ALK: variants seen among roughly 807,000 people sequenced by gnomAD.
The protein encoded by ALK is ALK receptor tyrosine kinase, also known as ALK tyrosine kinase receptor.
Under a neutral mutation model 163.1 loss-of-function variants are expected in ALK, and 74 were observed. The ratio of observed to expected loss-of-function variants is 0.45; its 90% CI spans 0.38 to 0.55. The LOEUF (loss-of-function observed/expected upper bound fraction) is 0.55, where lower values mean the gene tolerates loss of function less well. Among genes scored for constraint, ALK ranks in the 20% least tolerant of loss-of-function variants. ALK has a pLI of 0.00. For synonymous variants in ALK, 960 were observed against 843.2 expected, an observed-to-expected ratio of 1.14 and a Z score of -2.40; for missense variants, 2,063 against 2,105.3, an observed-to-expected ratio of 0.98 and a Z score of 0.39.
chr2:29,649,451 A>G lies in ALK; in HGVS notation c.952+45399T>C, dbSNP rs76825764. ...GTTCTTTATGAAAAATTCAAAGCCAATTGGAATTTCTATGCACATGAATGA... is the reference window on the plus strand; with the variant it reads ...GTTCTTTATGAAAAATTCAAAGCCAGTTGGAATTTCTATGCACATGAATGA... On this transcript the variant is annotated intron_variant, in intron 3 of 28. Coordinates refer to ENST00000389048, the MANE Select transcript of ALK (RefSeq NM_004304.5). Among the ~76,000 whole-genome samples, 595 of 152,240 alleles carry G rather than the reference A, an allele frequency of 3.9e-3. 1 individual carries two copies. Among genetic ancestry groups the G allele is most frequent in the African/African-American group, 0.013 (533 of 41,540 alleles).
chr2:29,430,523 C>T (rs1670247457), intron 4 of ALK, among the ~76,000 whole-genome samples: 1 of 152,152 alleles, frequency 6.6e-6, no homozygotes, highest in Admixed American at 6.5e-5. Context: ...AAATACGTAA[C>T]AGATAAGCAT....
At chr2:29,346,379 C>T (rs1667949695) in intron 5 of ALK, among the ~76,000 whole-genome samples, 1 of 152,222 alleles carries the variant, frequency 6.6e-6, no homozygotes, top group Non-Finnish European at 1.5e-5. Context: ...ACCCCTGACC[C>T]ACTCCCTACA....
At chr2:29,263,017 G>C in intron 11 of ALK, among the ~76,000 whole-genome samples, 1 of 152,230 alleles carries the variant, frequency 6.6e-6, no homozygotes, top group East Asian at 1.9e-4. Flanking sequence ...CTTGGCTTCG[G>C]GCCAGAGTGG....
In ALK at chr2:29,193,353, A is replaced by C. The variant is rs749162642; in HGVS notation, c.4734T>G (p.Pro1578=). 1 of 1,614,168 alleles carries C rather than the reference A, an allele frequency of 6.2e-7. No homozygotes were observed. The highest frequency in any genetic ancestry group is 8.5e-7 in the Non-Finnish European group (1 of 1,180,022). The change falls in exon 29 of 29, where the codon CCT becomes CCG. Residue 1578 remains proline, a synonymous_variant. Transcript: ENST00000389048. ...GGTAGCCGTAATTGACATTCCCACA[A>C]GGGAAGTGACGTAGCCTGAACAGAG... ...EVPLFRLRHF[P]CGNVNYGYQQ... is the part of the protein sequence containing the mutation.
At chr2:29,871,679 A>G (rs1666579930) in intron 1 of ALK, among the ~76,000 whole-genome samples, 1 of 152,202 alleles carries the variant, frequency 6.6e-6, no homozygotes, top group Admixed American at 6.5e-5. Flanking sequence ...AGTGGTTGCT[A>G]CTAATATCAC....
chr2:29,364,186 G>C (rs75082941), intron 5 of ALK, among the ~76,000 whole-genome samples: 31,179 of 152,138 alleles, frequency 0.2, 3,300 homozygotes, highest in Non-Finnish European at 0.23. Context: ...AGCCACCCAA[G>C]TTCTACGGCA....
intron 3 of ALK, among the ~76,000 whole-genome samples, chr2:29,574,528 T>C (rs1439112695): frequency 6.6e-6 from 1 of 152,254 alleles, no homozygotes; most frequent in African/African-American, 2.4e-5. Flanking sequence ...ACCGTTGAAA[T>C]GTCTGAGAAA....
chr2:29,786,104 T>C (rs754774140), intron 1 of ALK, among the ~76,000 whole-genome samples: 14 of 152,216 alleles, frequency 9.2e-5, no homozygotes, highest in Non-Finnish European at 1.8e-4. Context: ...CTAAGGATGA[T>C]TGACGTTCCC....
chr2:29,785,191 G>T (rs776826596), intron 1 of ALK, among the ~76,000 whole-genome samples: 1 of 151,984 alleles, frequency 6.6e-6, no homozygotes, highest in Non-Finnish European at 1.5e-5. Flanking sequence ...TGATATCCTG[G>T]TGCACGTAAG....
At chr2:29,464,431 C>T (rs1220131554) in intron 4 of ALK, among the ~76,000 whole-genome samples, 1 of 152,108 alleles carries the variant, frequency 6.6e-6, no homozygotes, top group Non-Finnish European at 1.5e-5. Flanking sequence ...AAACAGCCAT[C>T]ATAATATACT....
intron 4 of ALK, among the ~76,000 whole-genome samples, chr2:29,459,351 T>G (rs562349022): frequency 2.0e-5 from 3 of 152,222 alleles, no homozygotes; most frequent in South Asian, 4.2e-4. Flanking sequence ...CAGGCAGGAA[T>G]AGGGACAGAC....
intron 3 of ALK, among the ~76,000 whole-genome samples, chr2:29,592,512 C>G (rs1440677213): frequency 2.0e-5 from 3 of 152,174 alleles, no homozygotes; most frequent in Non-Finnish European, 2.9e-5. Context: ...TTCTTTCCCT[C>G]TACCTGGGAA....
intron 1 of ALK, among the ~76,000 whole-genome samples, chr2:29,793,834 T>C (rs1253501902): frequency 6.6e-6 from 1 of 152,180 alleles, no homozygotes; most frequent in Non-Finnish European, 1.5e-5. Flanking sequence ...ATTCAGCCCT[T>C]GTTGTTACAT....
At chr2:29,839,334 A>G (rs1665642036) in intron 1 of ALK, among the ~76,000 whole-genome samples, 1 of 152,188 alleles carries the variant, frequency 6.6e-6, no homozygotes, top group Admixed American at 6.5e-5. Flanking sequence ...AAGTACCTAG[A>G]GATGCCGGAT....
At chr2:29,755,069 C>T (rs1478610526) in intron 1 of ALK, among the ~76,000 whole-genome samples, 2 of 80,674 alleles carry the variant, frequency 2.5e-5, no homozygotes, top group Non-Finnish European at 8.1e-5. Flanking sequence ...TTTCCAACAG[C>T]AGCTTCTCTA....
At chr2:29,471,194 A>T (rs570257432) in intron 4 of ALK, among the ~76,000 whole-genome samples, 7 of 152,344 alleles carry the variant, frequency 4.6e-5, no homozygotes, top group Admixed American at 3.3e-4. Context: ...TGGCTTTATC[A>T]ATGAGTTCTT....
chr2:29,815,556 T>C (rs983419350), intron 1 of ALK, among the ~76,000 whole-genome samples: 2 of 152,220 alleles, frequency 1.3e-5, no homozygotes, highest in Admixed American at 1.3e-4. Context: ...ACTCTCCTGC[T>C]GTTGGGCTGT....
intron 6 of ALK, among the ~76,000 whole-genome samples, chr2:29,326,805 G>A (rs1558674552): frequency 6.6e-6 from 1 of 152,138 alleles, no homozygotes; most frequent in Non-Finnish European, 1.5e-5. Context: ...CCCCACAAAG[G>A]GTCCAGATGA....
At chr2:29,574,634 A>C (rs1674472221) in intron 3 of ALK, among the ~76,000 whole-genome samples, 2 of 152,242 alleles carry the variant, frequency 1.3e-5, no homozygotes, top group Non-Finnish European at 2.9e-5. Context: ...TGGTGAGAAA[A>C]GCTTGACCTC....
Sources: gnomAD v4.1 joint callset for allele counts (sites outside exome capture counted in the v4.1 genomes callset) on GRCh38, gnomAD v4.1.1 for gene constraint, MANE v1.5 for transcripts, NCBI Gene and HGNC (gene_info 2026-07-23, HGNC 2026-07-21) for gene names.